The following RAD54B variants were observed in gnomAD, a reference collection of about 807,000 sequenced individuals.
RAD54B encodes the protein RAD54 homolog B.
In RAD54B, 78 loss-of-function variants were observed where a neutral mutation model predicts 95.8. That is an observed-to-expected ratio of 0.81 (90% CI 0.68 to 0.98). The LOEUF is 0.98. Among genes scored for constraint, RAD54B ranks in the 50% least tolerant of loss-of-function variants. RAD54B has a pLI of 0.00. For missense variants in RAD54B, 957 were observed against 1,056.6 expected, an observed-to-expected ratio of 0.91 and a Z score of 1.31; for synonymous variants, 328 against 354.9, an observed-to-expected ratio of 0.92 and a Z score of 0.85.
At chr8:94,450,154 T>C (rs926426509) in intron 3 of RAD54B, among the ~76,000 whole-genome samples, 20 of 152,340 alleles carry the variant, frequency 1.3e-4, no homozygotes, top group African/African-American at 3.8e-4. Flanking sequence ...GAAAAAGATA[T>C]AGTGGCTCTG....
At chr8:94,427,324 T>G (rs1355449419) in intron 3 of RAD54B, among the ~76,000 whole-genome samples, 1 of 152,044 alleles carries the variant, frequency 6.6e-6, no homozygotes, top group Non-Finnish European at 1.5e-5. Context: ...GTTCAAATTA[T>G]AACTACTAGC....
intron 6 of RAD54B, among the ~76,000 whole-genome samples, chr8:94,401,103 A>C (rs1055561552): frequency 1.3e-5 from 2 of 152,206 alleles, no homozygotes; most frequent in African/African-American, 4.8e-5. Flanking sequence ...TTAGAAGTGT[A>C]TGTTTTATAT....
At chr8:94,377,864 T>C (rs889692140) in intron 14 of RAD54B, among the ~76,000 whole-genome samples, 1 of 147,388 alleles carries the variant, frequency 6.8e-6, no homozygotes, top group African/African-American at 2.5e-5. Context: ...TAGTCCCAGC[T>C]ACTCGGGAGG....
chr8:94,420,289 A>T (rs201632213), intron 3 of RAD54B, among the ~76,000 whole-genome samples: 1 of 134,420 alleles, frequency 7.4e-6, no homozygotes. Flanking sequence ...ACAGAGTCTC[A>T]CTGTCACCCA....
At position 94,391,887 on chromosome 8, in the gene RAD54B, A is replaced by C. The variant is rs1554603595; in HGVS notation, c.1531T>G (p.Leu511Val). ...AGTTCAGCTGCTCTTCTTTCTCCTAACTCCTTTTCTTCCTATGGAAAAATA... is the reference window on the plus strand; with the variant it reads ...AGTTCAGCTGCTCTTCTTTCTCCTACCTCCTTTTCTTCCTATGGAAAAATA... ...EPSASEEEKELGERRAAELTC... is the reference protein window; with the variant it reads ...EPSASEEEKEVGERRAAELTC... The change falls in exon 10 of 15, where the codon TTA becomes GTA. Residue 511 changes from leucine to valine, a missense_variant. By Grantham distance (32) the Leu-to-Val change is conservative. Transcript: ENST00000336148. The C allele has an allele frequency of 1.9e-6, 3 of 1,602,484 alleles. No homozygotes were observed. The Admixed American group carries it at 5.2e-5, about 28-fold the overall frequency.
At chr8:94,437,593 TA>T (rs1158801614) in intron 3 of RAD54B, among the ~76,000 whole-genome samples, 2 of 152,202 alleles carry the variant, frequency 1.3e-5, no homozygotes, top group East Asian at 3.8e-4. Flanking sequence ...ACACTCAATC[TA>T]AAAAGCAGGT....
rs1001370125 is a variant in RAD54B, at chr8:94,372,105, A to G, written c.*65T>C. The G allele has an allele frequency of 1.2e-5, 18 of 1,504,376 alleles. No individual in the cohort carries two copies. The Admixed American group carries it at 4.8e-4, about 40-fold the overall frequency. The allele number at this position is 1,504,376 out of a possible 1,614,324, so 93.2% of individuals were successfully genotyped here. A position where few individuals can be genotyped will look rare whatever the true frequency, so the allele number is the denominator to read the frequency against. ...TAAATAATTCTATTAATTTTCAAAA[A>G]GTACATTTAATTACCATACTAATTT... On this transcript the variant is annotated 3_prime_UTR_variant, in exon 15 of 15. Transcript: ENST00000336148.
Position 94,416,555 on chromosome 8 carries a change from A to C in RAD54B, c.305-5240T>G, listed in dbSNP as rs540008737. On this transcript the variant is annotated intron_variant, in intron 3 of 14. Coordinates refer to ENST00000336148, the MANE Select transcript of RAD54B (RefSeq NM_012415.3). ...AAGAAAAAAAAATAAGACAACAAAC[A>C]AATCAATAGAAAACAGGCAAAAATC... Among the ~76,000 whole-genome samples the C allele has an allele frequency of 1.9e-4, 29 of 152,234 alleles. No individual in the cohort carries two copies. The South Asian group carries it at 5.4e-3, about 28-fold the overall frequency.
intron 3 of RAD54B, among the ~76,000 whole-genome samples, chr8:94,448,389 T>A (rs1436617256): frequency 6.6e-6 from 1 of 152,092 alleles, no homozygotes; most frequent in East Asian, 1.9e-4. Context: ...GAATGAAGAT[T>A]GGTGCAGCCA....
intron 3 of RAD54B, among the ~76,000 whole-genome samples, chr8:94,442,557 A>G (rs1225917507): frequency 1.3e-5 from 2 of 149,720 alleles, no homozygotes; most frequent in Non-Finnish European, 3.0e-5. Context: ...CCTGGGTGAC[A>G]GAGCGAGACT....
At chr8:94,401,399 A>G (rs1464141162) in intron 6 of RAD54B, among the ~76,000 whole-genome samples, 2 of 151,996 alleles carry the variant, frequency 1.3e-5, no homozygotes, top group East Asian at 3.9e-4. Context: ...ATGATGATCC[A>G]TTTCCTCTTA....
intron 3 of RAD54B, among the ~76,000 whole-genome samples, chr8:94,453,788 C>T (rs1812719287): frequency 6.6e-6 from 1 of 151,926 alleles, no homozygotes; most frequent in Admixed American, 6.6e-5. Flanking sequence ...TTACTATATT[C>T]CCTTTTTGTT....
chr8:94,404,938 C>T (rs1811350531), intron 5 of RAD54B, among the ~76,000 whole-genome samples: 1 of 152,054 alleles, frequency 6.6e-6, no homozygotes. Flanking sequence ...CTCAGCCTCC[C>T]AAGTACCTGG....
At chr8:94,379,062 A>G (rs1400622030) in intron 12 of RAD54B, among the ~76,000 whole-genome samples, 1 of 152,208 alleles carries the variant, frequency 6.6e-6, no homozygotes, top group Non-Finnish European at 1.5e-5. Context: ...AGATTTATCA[A>G]TGATACTGTG....
At chr8:94,460,636 C>A (rs1262821899) in intron 2 of RAD54B, among the ~76,000 whole-genome samples, 3 of 152,164 alleles carry the variant, frequency 2.0e-5, no homozygotes, top group Non-Finnish European at 4.4e-5. Flanking sequence ...CATTGAACAA[C>A]ACAAATTTAT....
chr8:94,384,082 G>A (rs1466244958), intron 11 of RAD54B, among the ~76,000 whole-genome samples: 6 of 152,076 alleles, frequency 3.9e-5, no homozygotes, highest in African/African-American at 7.2e-5. Flanking sequence ...GTATACATAT[G>A]TAACAAACCT....
chr8:94,427,603 T>A, intron 3 of RAD54B: 1 of 541,128 alleles, frequency 1.8e-6, no homozygotes, highest in African/African-American at 2.1e-5. Context: ...GGCCATCTAT[T>A]ATAACATAAT....
intron 11 of RAD54B, among the ~76,000 whole-genome samples, chr8:94,380,839 G>C (rs564294224): frequency 1.3e-5 from 2 of 152,290 alleles, no homozygotes; most frequent in East Asian, 1.9e-4. Flanking sequence ...TCTTGCTAAG[G>C]TACCTGAGAA....
chr8:94,412,043 A>G (rs1811542937), intron 3 of RAD54B, among the ~76,000 whole-genome samples: 1 of 151,950 alleles, frequency 6.6e-6, no homozygotes, highest in South Asian at 2.1e-4. Flanking sequence ...CCTCTATCCA[A>G]CTCTAGGTAA....
Sources: allele counts gnomAD v4.1 joint callset (sites outside exome capture counted in the v4.1 genomes callset), GRCh38; gene constraint gnomAD v4.1.1; transcripts MANE v1.5; gene names NCBI Gene and HGNC (gene_info 2026-07-23, HGNC 2026-07-21).